The following HIF1A variants were observed in gnomAD, a reference collection of about 807,000 sequenced individuals.
HIF1A encodes hypoxia-inducible factor 1-alpha.
HIF1A carries 24 observed loss-of-function variants against 92.7 expected under a neutral mutation model. That is an observed-to-expected ratio of 0.26 (90% CI 0.19 to 0.36). The LOEUF (loss-of-function observed/expected upper bound fraction) is 0.36. HIF1A is among the 10% of genes least tolerant of loss of function. The probability of loss-of-function intolerance (pLI) is 1.00; values close to 1 mark genes in which losing one functional copy is unlikely to be tolerated. For synonymous variants in HIF1A, 319 were observed against 338.7 expected (o/e 0.94, Z 0.64); for missense variants, 799 against 998.5 (o/e 0.80, Z 2.69).
chr14:61,729,905 C>G (rs1460138119), intron 6 of HIF1A, among the ~76,000 whole-genome samples: 1 of 152,092 alleles, frequency 6.6e-6, no homozygotes, highest in Non-Finnish European at 1.5e-5. Context: ...AGAGCTCTTT[C>G]CAGGAACTTC....
chr14:61,696,817 G>A (rs2044122455), intron 1 of HIF1A, among the ~76,000 whole-genome samples: 1 of 152,140 alleles, frequency 6.6e-6, no homozygotes, highest in Admixed American at 6.5e-5. Context: ...TATATTAAAG[G>A]AAAACCGTCA....
At chr14:61,701,716 G>A (rs943602170) in intron 1 of HIF1A, among the ~76,000 whole-genome samples, 52 of 152,150 alleles carry the variant, frequency 3.4e-4, no homozygotes, top group Non-Finnish European at 6.3e-4. Context: ...GGCTGGGCGC[G>A]GTGGCTCATG....
chr14:61,737,776 C>T (rs2044655503), intron 9 of HIF1A, among the ~76,000 whole-genome samples: 1 of 152,146 alleles, frequency 6.6e-6, no homozygotes, highest in African/African-American at 2.4e-5. Context: ...CCTGTAATCC[C>T]AGCACTTTGG....
chr14:61,717,758 G>A (rs747370307), intron 1 of HIF1A, among the ~76,000 whole-genome samples: 6 of 151,970 alleles, frequency 3.9e-5, no homozygotes, highest in South Asian at 4.1e-4. Context: ...GCATATACTC[G>A]CGCCTGTAAT....
chr14:61,740,660 C>T, intron 11 of HIF1A, 33 bp downstream of exon 11: 1 of 1,556,338 alleles, frequency 6.4e-7, no homozygotes. Context: ...TATTAAATTT[C>T]ATTAATTTTT....
chr14:61,726,542 T>C (rs1342070086), intron 4 of HIF1A, 164 bp from the exon 5 acceptor site: 1 of 467,068 alleles, frequency 2.1e-6, no homozygotes. Flanking sequence ...GTCAGATCTC[T>C]TGGGTGTGCT....
intron 4 of HIF1A, among the ~76,000 whole-genome samples, chr14:61,724,361 C>CTCTCTCTCTCTCTG (rs2044474386): frequency 6.7e-6 from 1 of 148,994 alleles, no homozygotes; most frequent in Non-Finnish European, 1.5e-5. Flanking sequence ...CTCTCTCTCT[C>CTCTCTCTCTCTCTG]TCTCTCTCTC....
chr14:61,747,013 T>C lies in HIF1A; in HGVS notation c.2409T>C (p.Asn803=). The C allele has an allele frequency of 1.9e-6, 3 of 1,613,852 alleles. No homozygotes were observed. The highest frequency in any genetic ancestry group is 2.5e-6 in the Non-Finnish European group (3 of 1,179,740). ...TGACCAGTTATGATTGTGAAGTTAA[T>C]GCTCCTATACAAGGCAGCAGAAACC... ...PQLTSYDCEV[N]APIQGSRNLL... Residue 803 remains asparagine, a synonymous_variant, in exon 15 of 15, where the codon AAT becomes AAC. Coordinates refer to ENST00000337138, the MANE Select transcript of HIF1A (RefSeq NM_001530.4).
intron 11 of HIF1A, 47 bp downstream of exon 11, chr14:61,740,674 C>T: frequency 1.9e-6 from 3 of 1,543,728 alleles, no homozygotes; most frequent in Non-Finnish European, 2.6e-6. Flanking sequence ...AATTTTTAGT[C>T]TGAAGTGACT....
rs1033251976 is a variant in HIF1A, at chr14:61,747,192, C to T, written c.*107C>T. The T allele has an allele frequency of 6.4e-6, 6 of 934,024 alleles. No individual in the cohort carries two copies. The highest frequency in any genetic ancestry group is 9.3e-6 in the Non-Finnish European group (6 of 648,408). The allele number at this position is 934,024 out of a possible 1,614,324, so 57.9% of individuals were successfully genotyped here. A position where few individuals can be genotyped will look rare whatever the true frequency, so the allele number is the denominator to read the frequency against. ...TTTTAGAAGCCTGGCTACAATACTG[C>T]ACAAACTTGGTTAGTTCAATTTTGA... On this transcript the variant is annotated 3_prime_UTR_variant, in exon 15 of 15. Coordinates refer to ENST00000337138, the MANE Select transcript of HIF1A (RefSeq NM_001530.4).
chr14:61,734,550 C>G (rs1242271378), intron 8 of HIF1A, among the ~76,000 whole-genome samples: 2 of 152,026 alleles, frequency 1.3e-5, no homozygotes, highest in African/African-American at 4.8e-5. Flanking sequence ...ATACCAGATC[C>G]ATTGATTGGT....
rs1377719468 is a variant in HIF1A at position 61,740,974 on chromosome 14, G to A, written c.1879G>A (p.Val627Met). 6.2e-7 allele frequency: 1 copy of A among 1,614,130 alleles called. No homozygotes were observed. The highest frequency in any genetic ancestry group is 8.5e-7 in the Non-Finnish European group (1 of 1,179,980). The stretch of plus-strand genomic sequence containing the variant: ...TGCCACCACTGATGAATTAAAAACA[G>A]TGACAAAAGACCGTATGGAAGACAT... ...TTATTDELKT[V>M]TKDRMEDIKI... Residue 627 changes from valine to methionine, a missense_variant, in exon 12 of 15, where the codon GTG (valine) becomes ATG (methionine). Around this residue, in one of 2 missense-constraint regions of HIF1A, gnomAD observed 283 missense variants for 277.5 expected, o/e 1.02. Coordinates refer to ENST00000337138, the MANE Select transcript of HIF1A (RefSeq NM_001530.4).
At chr14:61,719,576 A>G (rs2044402350) in intron 1 of HIF1A, among the ~76,000 whole-genome samples, 1 of 152,236 alleles carries the variant, frequency 6.6e-6, no homozygotes, top group South Asian at 2.1e-4. Context: ...TAGGCAGTTA[A>G]GCAAAGGAAG....
intron 4 of HIF1A, 123 bp from the exon 5 acceptor site, chr14:61,726,583 G>T (rs2044507718): frequency 3.4e-6 from 2 of 586,736 alleles, no homozygotes; most frequent in East Asian, 6.0e-5. Context: ...GAATTACTGT[G>T]TTCATGCTGA....
At chr14:61,730,751 G>A (rs750260018) in intron 6 of HIF1A, among the ~76,000 whole-genome samples, 5 of 152,130 alleles carry the variant, frequency 3.3e-5, no homozygotes, top group Non-Finnish European at 7.4e-5. Flanking sequence ...CACGTATTGA[G>A]TTTTGTCTTT....
intron 10 of HIF1A, 101 bp from the exon 11 acceptor site, chr14:61,740,404 T>A: frequency 1.2e-6 from 1 of 830,354 alleles, no homozygotes; most frequent in Non-Finnish European, 1.9e-6. Context: ...GACTTGGTTG[T>A]GTGTTTTCTG....
intron 1 of HIF1A, among the ~76,000 whole-genome samples, chr14:61,708,311 G>T (rs1440970613): frequency 6.6e-6 from 1 of 152,154 alleles, no homozygotes; most frequent in East Asian, 1.9e-4. Context: ...AGTTTAATTA[G>T]ATCCTATTTG....
chr14:61,719,423 CG>C (rs1400070253), intron 1 of HIF1A, among the ~76,000 whole-genome samples: 1 of 152,188 alleles, frequency 6.6e-6, no homozygotes, highest in African/African-American at 2.4e-5. Flanking sequence ...ACCTATTGAA[CG>C]CCAGTTCCCT....
chr14:61,730,322 C>T (rs1267765826), intron 6 of HIF1A, among the ~76,000 whole-genome samples: 2 of 152,134 alleles, frequency 1.3e-5, no homozygotes, highest in Non-Finnish European at 2.9e-5. Context: ...AAAGCATATA[C>T]AGTTTATATT....
Sources: allele counts gnomAD v4.1 joint callset (sites outside exome capture counted in the v4.1 genomes callset), GRCh38; gene constraint gnomAD v4.1.1; regional missense constraint gnomAD v4.1.1; transcripts MANE v1.5; gene names NCBI Gene and HGNC (gene_info 2026-07-23, HGNC 2026-07-21).